The following SSBP3 variants were observed in gnomAD, a reference collection of about 807,000 sequenced individuals.
SSBP3 encodes the protein single stranded DNA binding protein 3.
In SSBP3, 5 loss-of-function variants were observed where a neutral mutation model predicts 69.6. That is an observed-to-expected ratio of 0.07 (90% CI 0.04 to 0.15). The LOEUF is 0.15. Ranked by LOEUF, SSBP3 falls within the 10% of genes least tolerant of loss-of-function variation. The pLI is 1.00. For missense variants in SSBP3, 312 were observed against 534.0 expected, an observed-to-expected ratio of 0.58 and a Z score of 4.10; for synonymous variants, 196 against 193.4, an observed-to-expected ratio of 1.01 and a Z score of -0.11.
At chr1:54,364,756 C>G (rs1395098561) in intron 4 of SSBP3, among the ~76,000 whole-genome samples, 1 of 152,180 alleles carries the variant, frequency 6.6e-6, no homozygotes, top group East Asian at 1.9e-4. Flanking sequence ...CTGCCTCTCT[C>G]CCTGCCCAGA....
intron 4 of SSBP3, among the ~76,000 whole-genome samples, chr1:54,288,096 G>T (rs1645525038): frequency 6.6e-6 from 1 of 152,216 alleles, no homozygotes; most frequent in African/African-American, 2.4e-5. Context: ...GGCTGCCTCA[G>T]AAGGGGGCGG....
Position 54,395,164 on chromosome 1 carries a change from T to C in SSBP3, c.276+6697A>G, listed in dbSNP as rs190703859. On this transcript the variant is annotated intron_variant, in intron 4 of 17. Transcript: ENST00000610401. ...AAAGAGAACAGTGCAAGACTCCTCA[T>C]TTCATCCCTGTTAACAATGACACAG... is the stretch of plus-strand genomic sequence containing the variant. Among the ~76,000 whole-genome samples the C allele has an allele frequency of 1.9e-3, 286 of 152,246 alleles. 16 individuals carry two copies. In the South Asian group the frequency reaches 0.041, roughly 22 times the overall value.
intron 4 of SSBP3, among the ~76,000 whole-genome samples, chr1:54,333,098 G>A (rs1646448873): frequency 6.6e-6 from 1 of 152,114 alleles, no homozygotes; most frequent in Non-Finnish European, 1.5e-5. Flanking sequence ...CATCACCACT[G>A]AACACACCAC....
At chr1:54,291,667 C>A (rs1332711971) in intron 4 of SSBP3, among the ~76,000 whole-genome samples, 1 of 152,234 alleles carries the variant, frequency 6.6e-6, no homozygotes, top group African/African-American at 2.4e-5. Flanking sequence ...TTAAACGATT[C>A]ATCAGAGTCA....
intron 10 of SSBP3, 75 bp from the exon 11 acceptor site, chr1:54,242,287 GA>G (rs1644653471): frequency 6.4e-7 from 1 of 1,552,990 alleles, no homozygotes; most frequent in Non-Finnish European, 8.9e-7. Flanking sequence ...AGCAGGGGCA[GA>G]AGGAAAGGGC....
chr1:54,257,434 G>A (rs1303697058), intron 6 of SSBP3, among the ~76,000 whole-genome samples: 2 of 151,998 alleles, frequency 1.3e-5, no homozygotes, highest in Non-Finnish European at 2.9e-5. Context: ...GAAGGGCAGC[G>A]GCTGGGACTT....
At chr1:54,251,207 C>G (rs989880911) in intron 9 of SSBP3, among the ~76,000 whole-genome samples, 8 of 152,208 alleles carry the variant, frequency 5.3e-5, no homozygotes, top group Non-Finnish European at 1.2e-4. Flanking sequence ...GGCCACTCAT[C>G]TGCGCCGCCT....
intron 4 of SSBP3, among the ~76,000 whole-genome samples, chr1:54,390,312 A>C (rs1012854431): frequency 1.3e-5 from 2 of 152,082 alleles, no homozygotes; most frequent in Non-Finnish European, 2.9e-5. Context: ...CCAACTCCCA[A>C]TGGTCAACCT....
intron 4 of SSBP3, among the ~76,000 whole-genome samples, chr1:54,359,208 C>CAAAAAAAAAA (rs56901465): frequency 1.3e-5 from 1 of 75,448 alleles, no homozygotes; most frequent in Non-Finnish European, 2.7e-5. Flanking sequence ...ACCCTCCCCT[C>CAAAAAAAAAA]AAAAAAAAAA....
At chr1:54,342,001 A>G (rs1646616868) in intron 4 of SSBP3, among the ~76,000 whole-genome samples, 1 of 152,238 alleles carries the variant, frequency 6.6e-6, no homozygotes, top group South Asian at 2.1e-4. Context: ...TGTCCAAGTC[A>G]GGGCTACGAA....
chr1:54,283,705 G>C (rs1016880342), intron 4 of SSBP3, among the ~76,000 whole-genome samples: 1 of 152,234 alleles, frequency 6.6e-6, no homozygotes, highest in African/African-American at 2.4e-5. Context: ...AGCCCTCTCT[G>C]CAAGAGCTAT....
intron 4 of SSBP3, among the ~76,000 whole-genome samples, chr1:54,391,541 C>G (rs921410361): frequency 5.9e-5 from 9 of 152,248 alleles, no homozygotes; most frequent in Admixed American, 2.0e-4. Flanking sequence ...CTGCTCCCCC[C>G]TCTCCACTGC....
chr1:54,358,813 A>C (rs1424954069), intron 4 of SSBP3, among the ~76,000 whole-genome samples: 1 of 152,176 alleles, frequency 6.6e-6, no homozygotes, highest in Non-Finnish European at 1.5e-5. Context: ...AATCAAAGAA[A>C]TAACATTTAG....
chr1:54,392,744 T>C (rs778006657), intron 4 of SSBP3, among the ~76,000 whole-genome samples: 15 of 152,134 alleles, frequency 9.9e-5, no homozygotes, highest in East Asian at 3.9e-4. Context: ...AGACCTGCAA[T>C]AGGCCCCAGG....
exon 18 of SSBP3, chr1:54,226,848 T>G: frequency 1.2e-5 from 5 of 420,278 alleles, no homozygotes; most frequent in East Asian, 5.1e-5. Context: ...AAAAGGTCCT[T>G]TGGGGAAAGG....
At chr1:54,291,900 CT>C (rs921946574) in intron 4 of SSBP3, among the ~76,000 whole-genome samples, 5 of 152,246 alleles carry the variant, frequency 3.3e-5, no homozygotes, top group African/African-American at 1.2e-4. Context: ...CCGCATCCTG[CT>C]CAGGCACCAG....
intron 4 of SSBP3, among the ~76,000 whole-genome samples, chr1:54,342,332 G>T (rs1467163832): frequency 2.6e-5 from 4 of 152,238 alleles, no homozygotes; most frequent in Admixed American, 2.6e-4. Flanking sequence ...TTACGGTCAG[G>T]TTAATGCATT....
At chr1:54,372,941 TTTCTA>T (rs1049706587) in intron 4 of SSBP3, among the ~76,000 whole-genome samples, 1 of 152,158 alleles carries the variant, frequency 6.6e-6, no homozygotes, top group African/African-American at 2.4e-5. Flanking sequence ...TCTTCTTCCT[TTTCTA>T]TTCTTTTGTT....
At chr1:54,237,302 G>A (rs935124123) in intron 14 of SSBP3, 6 of 152,172 alleles carry the variant, frequency 3.9e-5, no homozygotes, top group African/African-American at 1.2e-4. Context: ...TGTAACCTCC[G>A]AATCAGGAAA....
Sources: gnomAD v4.1 joint callset for allele counts (sites outside exome capture counted in the v4.1 genomes callset) on GRCh38, gnomAD v4.1.1 for gene constraint, MANE v1.5 for transcripts, NCBI Gene and HGNC (gene_info 2026-07-23, HGNC 2026-07-21) for gene names.